Variants in SORCS1 observed in about 807,000 individuals in gnomAD.
The protein encoded by SORCS1 is sortilin related VPS10 domain containing receptor 1.
Under a neutral mutation model 146.1 loss-of-function variants are expected in SORCS1, and 60 were observed. The ratio of observed to expected loss-of-function variants is 0.41; its 90% CI spans 0.33 to 0.51. The LOEUF is 0.51. Ranked by LOEUF, SORCS1 falls within the 20% of genes least tolerant of loss-of-function variation. The pLI is 0.21. For synonymous variants in SORCS1, 637 were observed against 584.0 expected (o/e 1.09, Z -1.31); for missense variants, 1,352 against 1,487.6 (o/e 0.91, Z 1.50).
At chr10:106,815,599 G>A (rs924102441) in intron 3 of SORCS1, among the ~76,000 whole-genome samples, 4 of 152,190 alleles carry the variant, frequency 2.6e-5, no homozygotes, top group South Asian at 4.2e-4. Flanking sequence ...GGGTCTCCAG[G>A]GAGCCAGATG....
intron 2 of SORCS1, among the ~76,000 whole-genome samples, chr10:106,889,350 CT>C (rs1180377733): frequency 1.3e-5 from 2 of 152,182 alleles, no homozygotes; most frequent in African/African-American, 4.8e-5. Flanking sequence ...CCCAAATGTG[CT>C]CCACTGACCA....
intron 2 of SORCS1, among the ~76,000 whole-genome samples, chr10:106,850,596 A>G (rs113853060): frequency 0.01 from 1,549 of 152,244 alleles, 28 homozygotes; most frequent in African/African-American, 0.036. Context: ...CTATTCGGCC[A>G]TCTTGGCTCC....
intron 1 of SORCS1, among the ~76,000 whole-genome samples, chr10:106,990,832 A>T (rs1179596156): frequency 6.6e-6 from 1 of 152,230 alleles, no homozygotes; most frequent in Non-Finnish European, 1.5e-5. Context: ...TTAAAATAAA[A>T]TCTCATTAAA....
At chr10:106,948,818 G>A (rs572022441) in intron 2 of SORCS1, among the ~76,000 whole-genome samples, 5 of 152,126 alleles carry the variant, frequency 3.3e-5, no homozygotes, top group South Asian at 4.2e-4. Context: ...AAAATTAGCT[G>A]GGCGTGGTGG....
At chr10:107,179,234 A>G in the SORCS1 span, among the ~76,000 whole-genome samples, 1 of 152,170 alleles carries the variant, frequency 6.6e-6, no homozygotes, top group Admixed American at 6.5e-5. Flanking sequence ...GCATTTTTTC[A>G]TATACCTGTT....
At chr10:106,986,910 T>G (rs1319063447) in intron 1 of SORCS1, among the ~76,000 whole-genome samples, 2 of 152,224 alleles carry the variant, frequency 1.3e-5, no homozygotes, top group African/African-American at 4.8e-5. Context: ...CAATAGTTGC[T>G]TTAAGTCTTT....
At chr10:106,608,130 G>A (rs1221790726) in intron 22 of SORCS1, among the ~76,000 whole-genome samples, 1 of 152,164 alleles carries the variant, frequency 6.6e-6, no homozygotes, top group Non-Finnish European at 1.5e-5. Flanking sequence ...GTCCAATTCT[G>A]ATCATGTTCC....
chr10:106,737,701 C>A (rs1285375163), intron 5 of SORCS1, among the ~76,000 whole-genome samples: 1 of 151,782 alleles, frequency 6.6e-6, no homozygotes, highest in Non-Finnish European at 1.5e-5. Flanking sequence ...CTCCCCTACC[C>A]ACCCCCACCA....
chr10:106,669,136 T>C (rs1180577543), intron 16 of SORCS1, among the ~76,000 whole-genome samples: 1 of 152,048 alleles, frequency 6.6e-6, no homozygotes, highest in Non-Finnish European at 1.5e-5. Flanking sequence ...AATGCAGGGA[T>C]TGGGCCAAGA....
chr10:106,905,295 A>G (rs1268093833), intron 2 of SORCS1, among the ~76,000 whole-genome samples: 1 of 152,200 alleles, frequency 6.6e-6, no homozygotes, highest in African/African-American at 2.4e-5. Context: ...AAGTTGGAGA[A>G]GGAAAAGATA....
intron 1 of SORCS1, among the ~76,000 whole-genome samples, chr10:107,148,985 G>C (rs980964979): frequency 6.6e-6 from 1 of 152,136 alleles, no homozygotes; most frequent in Non-Finnish European, 1.5e-5. Context: ...AATTTCTAAA[G>C]TCACAACACC....
chr10:107,165,871 A>G (rs1970034659), upstream of SORCS1, among the ~76,000 whole-genome samples: 1 of 152,210 alleles, frequency 6.6e-6, no homozygotes, highest in African/African-American at 2.4e-5. This position sits in a 1 kb window ranked among gnomAD's most constrained non-coding sequence, Gnocchi z 4.0. Flanking sequence ...TGACCTTTAA[A>G]ATCCCTTCCG....
chr10:106,966,668 C>T (rs72811179), intron 1 of SORCS1, among the ~76,000 whole-genome samples: 1,547 of 152,214 alleles, frequency 0.01, 14 homozygotes, highest in Non-Finnish European at 0.015. Flanking sequence ...GGAGAGCCCT[C>T]GTGAAGAGCA....
At chr10:106,618,394 T>C (rs1012971125) in intron 20 of SORCS1, 122 bp from the exon 21 acceptor site, 5 of 1,237,482 alleles carry the variant, frequency 4.0e-6, no homozygotes, top group African/African-American at 3.0e-5. Context: ...TGTACCACAA[T>C]GGCACTGAGT....
At chr10:106,588,450 T>G (rs1845374972) in intron 24 of SORCS1, among the ~76,000 whole-genome samples, 1 of 152,320 alleles carries the variant, frequency 6.6e-6, no homozygotes, top group Admixed American at 6.5e-5. Context: ...AGATAGTCGT[T>G]CACCTTTCCT....
At chr10:106,893,927 G>A (rs935813884) in intron 2 of SORCS1, among the ~76,000 whole-genome samples, 4 of 152,120 alleles carry the variant, frequency 2.6e-5, no homozygotes, top group African/African-American at 4.8e-5. Context: ...TAAAATGGAA[G>A]CTTTTTATTT....
intron 2 of SORCS1, among the ~76,000 whole-genome samples, chr10:106,881,029 A>C (rs1037673169): frequency 2.0e-5 from 3 of 146,554 alleles, no homozygotes; most frequent in African/African-American, 7.6e-5. Flanking sequence ...GTGAGCTGAG[A>C]TCACGTCACT....
At chr10:106,775,574 A>C (rs1860369448) in intron 4 of SORCS1, among the ~76,000 whole-genome samples, 1 of 152,164 alleles carries the variant, frequency 6.6e-6, no homozygotes, top group Non-Finnish European at 1.5e-5. Flanking sequence ...ACCCAGACAA[A>C]TGAAACCCCA....
At chr10:106,884,988 G>C (rs574436463) in intron 2 of SORCS1, among the ~76,000 whole-genome samples, 1 of 152,222 alleles carries the variant, frequency 6.6e-6, no homozygotes, top group East Asian at 1.9e-4. Context: ...AAGCACCTGA[G>C]CAATTAGAAA....
Sources: allele counts gnomAD v4.1 joint callset (sites outside exome capture counted in the v4.1 genomes callset), GRCh38; gene constraint gnomAD v4.1.1; non-coding constraint Gnocchi (gnomAD v3.1); transcripts MANE v1.5; gene names NCBI Gene and HGNC (gene_info 2026-07-23, HGNC 2026-07-21).